The following PCDH15 variants were observed in gnomAD, a reference collection of about 807,000 sequenced individuals.
The protein encoded by PCDH15 is protocadherin related 15, also known as protocadherin-15.
In PCDH15, 129 loss-of-function variants were observed where a neutral mutation model predicts 178.5. That is an observed-to-expected ratio of 0.72 (90% CI 0.63 to 0.84). The LOEUF is 0.84. PCDH15 is among the 40% of genes least tolerant of loss of function. The pLI is 0.00. For synonymous variants in PCDH15, 800 were observed against 732.0 expected (o/e 1.09, Z -1.50); for missense variants, 2,230 against 2,099.9 (o/e 1.06, Z -1.21).
chr10:54,677,825 T>G (rs2094819305), intron 1 of PCDH15, among the ~76,000 whole-genome samples: 1 of 152,212 alleles, frequency 6.6e-6, no homozygotes, highest in African/African-American at 2.4e-5. Flanking sequence ...GTTGCAATAG[T>G]TTAAAGCCTT....
intron 8 of PCDH15, among the ~76,000 whole-genome samples, chr10:54,246,606 C>T (rs1327550630): frequency 6.6e-6 from 1 of 151,468 alleles, no homozygotes; most frequent in African/African-American, 2.4e-5. Flanking sequence ...GAACTTTGTA[C>T]TTCTTCTAGG....
intron 2 of PCDH15, among the ~76,000 whole-genome samples, chr10:55,138,371 T>C (rs1838260158): frequency 6.6e-6 from 1 of 152,162 alleles, no homozygotes; most frequent in Admixed American, 6.5e-5. Flanking sequence ...GAGAAATAGT[T>C]GTCAAGTATA....
intron 3 of PCDH15, among the ~76,000 whole-genome samples, chr10:54,457,571 G>T (rs1299659689): frequency 3.3e-5 from 5 of 152,084 alleles, no homozygotes; most frequent in African/African-American, 1.2e-4. Flanking sequence ...GAGAAAACTG[G>T]TTTATGTAAA....
intron 3 of PCDH15, among the ~76,000 whole-genome samples, chr10:54,453,805 T>C (rs2076636634): frequency 6.6e-6 from 1 of 151,914 alleles, no homozygotes; most frequent in South Asian, 2.1e-4. Flanking sequence ...GCCCTCAGAA[T>C]ACTGGAAGAG....
chr10:55,583,997 C>T (rs375753029), intron 2 of PCDH15, among the ~76,000 whole-genome samples: 3 of 152,038 alleles, frequency 2.0e-5, no homozygotes, highest in South Asian at 4.1e-4. Flanking sequence ...CCCACCTCAG[C>T]CTCCCCAGTA....
intron 28 of PCDH15, 129 bp from the exon 29 acceptor site, chr10:53,840,625 T>G: frequency 1.2e-6 from 1 of 868,794 alleles, no homozygotes; most frequent in African/African-American, 1.7e-5. Flanking sequence ...TAATGTTTAC[T>G]GAATATAAAC....
intron 1 of PCDH15, among the ~76,000 whole-genome samples, chr10:55,308,931 T>A (rs1843502843): frequency 6.6e-6 from 1 of 152,188 alleles, no homozygotes; most frequent in Admixed American, 6.5e-5. Context: ...ATATATTTAC[T>A]CCTTTTTAAT....
At chr10:54,241,250 TC>T (rs1441361408) in intron 8 of PCDH15, among the ~76,000 whole-genome samples, 5 of 152,210 alleles carry the variant, frequency 3.3e-5, no homozygotes, top group African/African-American at 1.2e-4. Flanking sequence ...TGTTGCTTAT[TC>T]TCTGTCGTCC....
chr10:53,855,421 C>A (rs574408389), intron 28 of PCDH15, among the ~76,000 whole-genome samples: 3 of 152,032 alleles, frequency 2.0e-5, no homozygotes, highest in Non-Finnish European at 4.4e-5. Context: ...ACTACTTCTG[C>A]AGAAATAAAC....
chr10:54,953,529 A>G (rs1246926324), intron 2 of PCDH15, among the ~76,000 whole-genome samples: 13 of 151,312 alleles, frequency 8.6e-5, no homozygotes, highest in Admixed American at 8.6e-4. Context: ...CACCTAATCT[A>G]TTGCTATAGT....
intron 2 of PCDH15, among the ~76,000 whole-genome samples, chr10:54,984,469 T>G (rs1839316979): frequency 6.6e-6 from 1 of 152,192 alleles, no homozygotes; most frequent in South Asian, 2.1e-4. Context: ...TCTCAGTCTG[T>G]TACCATCAGC....
At chr10:55,613,140 A>G (rs1303601083) in intron 2 of PCDH15, among the ~76,000 whole-genome samples, 3 of 151,024 alleles carry the variant, frequency 2.0e-5, no homozygotes, top group South Asian at 2.1e-4. Context: ...ATCTCCAGAC[A>G]GTGTCCAGTC....
intron 26 of PCDH15, among the ~76,000 whole-genome samples, chr10:53,898,053 G>T (rs981073487): frequency 1.5e-5 from 2 of 133,022 alleles, no homozygotes; most frequent in African/African-American, 5.7e-5. Flanking sequence ...TGCAAGCTCC[G>T]CCTCCTGGGT....
Position 54,508,422 on chromosome 10 carries a change from T to A in PCDH15, c.157+19390A>T, listed in dbSNP as rs941204590. 2.6e-5 allele frequency among the ~76,000 whole-genome samples: 4 copies of A among 152,070 alleles called. No homozygotes were observed. The South Asian group carries it at 6.2e-4, about 24-fold the overall frequency. The stretch of plus-strand genomic sequence containing the variant: ...TGCTCTTTGACTTATGATGAGATTA[T>A]ATTCAATAAACCCATCATAAGTTAA... On this transcript the variant is annotated intron_variant, in intron 3 of 37. Coordinates refer to ENST00000644397, the MANE Select transcript of PCDH15 (RefSeq NM_001384140.1).
chr10:55,371,694 T>A (rs926031336), intron 2 of PCDH15, among the ~76,000 whole-genome samples: 7 of 152,084 alleles, frequency 4.6e-5, no homozygotes, highest in African/African-American at 1.7e-4. Flanking sequence ...TCCTGAAGCC[T>A]CCCAGCCATG....
intron 2 of PCDH15, chr10:54,619,105 C>G (rs772106752): frequency 2.0e-4 from 30 of 151,692 alleles, no homozygotes; most frequent in Non-Finnish European, 1.9e-4. Context: ...AGTTAAGAAC[C>G]TGAAAACATC....
intron 2 of PCDH15, among the ~76,000 whole-genome samples, chr10:54,909,752 CTGGGGAG>C (rs1954788002): frequency 6.6e-6 from 1 of 152,090 alleles, no homozygotes; most frequent in Non-Finnish European, 1.5e-5. Context: ...GCAGTTGCTC[CTGGGGAG>C]CAGACACTGG....
chr10:54,270,882 T>C (rs761261146), intron 8 of PCDH15, among the ~76,000 whole-genome samples: 3 of 152,042 alleles, frequency 2.0e-5, no homozygotes, highest in African/African-American at 4.8e-5. Context: ...TATGGCAAAA[T>C]AGGAAACTAA....
chr10:54,956,329 A>C (rs1838485759), intron 2 of PCDH15, among the ~76,000 whole-genome samples: 1 of 151,566 alleles, frequency 6.6e-6, no homozygotes, highest in Admixed American at 6.6e-5. Flanking sequence ...ACTACATGGT[A>C]AACAATGAGT....
Sources: allele counts gnomAD v4.1 joint callset (sites outside exome capture counted in the v4.1 genomes callset), GRCh38; gene constraint gnomAD v4.1.1; transcripts MANE v1.5; gene names NCBI Gene and HGNC (gene_info 2026-07-23, HGNC 2026-07-21).